Variants in ETV1 observed in about 807,000 individuals in gnomAD.
ETV1 encodes the protein ETS translocation variant 1.
In ETV1, 27 loss-of-function variants were observed where a neutral mutation model predicts 62.3. The ratio of observed to expected loss-of-function variants is 0.43; its 90% confidence interval spans 0.32 to 0.60. The LOEUF (loss-of-function observed/expected upper bound fraction) is 0.60, where lower values mean the gene tolerates loss of function less well. ETV1 is among the 20% of genes least tolerant of loss of function. The pLI is 0.06. For missense variants in ETV1, 605 were observed against 605.8 expected, an observed-to-expected ratio of 1.00 and a Z score of 0.01; for synonymous variants, 222 against 199.6, an observed-to-expected ratio of 1.11 and a Z score of -0.94.
At chr7:13,966,554 T>C (rs948236470) in intron 6 of ETV1, among the ~76,000 whole-genome samples, 4 of 151,886 alleles carry the variant, frequency 2.6e-5, no homozygotes, top group African/African-American at 7.3e-5. Context: ...GCCCAGGAGA[T>C]TGAGGTCACT....
chr7:13,938,905 G>C (rs138771179), intron 7 of ETV1, among the ~76,000 whole-genome samples: 2 of 152,292 alleles, frequency 1.3e-5, no homozygotes, highest in Admixed American at 1.3e-4. Context: ...AGCAACTAAT[G>C]ATCTGGATAA....
intron 13 of ETV1, chr7:13,900,421 T>C (rs1445130702): frequency 8.3e-6 from 2 of 241,934 alleles, no homozygotes; most frequent in African/African-American, 4.4e-5. Flanking sequence ...AATTATATAA[T>C]TGTAGACAAT....
chr7:13,914,481 A>T (rs879862651), intron 9 of ETV1, among the ~76,000 whole-genome samples: 6 of 152,110 alleles, frequency 3.9e-5, no homozygotes, highest in Non-Finnish European at 8.8e-5. Flanking sequence ...CCCTGTTGTC[A>T]TTTTAATGCA....
intron 6 of ETV1, among the ~76,000 whole-genome samples, chr7:13,971,802 T>A (rs1780929446): frequency 6.6e-6 from 1 of 152,048 alleles, no homozygotes; most frequent in African/African-American, 2.4e-5. Context: ...TGAAAGGTGG[T>A]AGATTTTCAA....
intron 9 of ETV1, among the ~76,000 whole-genome samples, chr7:13,925,014 A>G (rs1037372396): frequency 1.3e-5 from 2 of 152,216 alleles, no homozygotes; most frequent in Non-Finnish European, 2.9e-5. Context: ...TTAAAAATGC[A>G]AAAACCGTTT....
intron 9 of ETV1, among the ~76,000 whole-genome samples, chr7:13,917,918 C>G (rs1462217681): frequency 6.6e-6 from 1 of 151,860 alleles, no homozygotes. Flanking sequence ...GAGCCGAGAT[C>G]ATGCCACTGC....
intron 6 of ETV1, among the ~76,000 whole-genome samples, chr7:13,941,190 T>A (rs532803450): frequency 6.6e-6 from 1 of 152,340 alleles, no homozygotes; most frequent in East Asian, 1.9e-4. Flanking sequence ...GAATCAATTA[T>A]GAGGACTTGA....
chr7:13,964,457 A>T (rs1463157359), intron 6 of ETV1, among the ~76,000 whole-genome samples: 2 of 152,158 alleles, frequency 1.3e-5, no homozygotes, highest in Non-Finnish European at 2.9e-5. Context: ...GGGGGCACAT[A>T]TTTCTAATCA....
intron 6 of ETV1, among the ~76,000 whole-genome samples, chr7:13,956,514 A>T (rs775364869): frequency 3.7e-4 from 56 of 152,220 alleles, no homozygotes; most frequent in Non-Finnish European, 7.9e-4. Flanking sequence ...TCATGGCAAC[A>T]TTCCAATGTA....
At chr7:13,900,706 C>A (rs951165812) in intron 13 of ETV1, 32 bp downstream of exon 13, 3 of 1,408,284 alleles carry the variant, frequency 2.1e-6, no homozygotes, top group Non-Finnish European at 9.9e-7. Context: ...TGCAACATTT[C>A]AATGAATTTT....
At chr7:13,950,374 G>C (rs1424301246) in intron 6 of ETV1, among the ~76,000 whole-genome samples, 1 of 152,092 alleles carries the variant, frequency 6.6e-6, no homozygotes, top group Non-Finnish European at 1.5e-5. Context: ...GTGTATGAGA[G>C]AGAGAGAGAG....
chr7:13,913,166 A>G (rs1783725264), intron 9 of ETV1, among the ~76,000 whole-genome samples: 1 of 152,240 alleles, frequency 6.6e-6, no homozygotes, highest in Admixed American at 6.5e-5. Flanking sequence ...GAGGCATTGC[A>G]TATGCATTCA....
intron 6 of ETV1, among the ~76,000 whole-genome samples, chr7:13,971,877 A>G (rs1780940788): frequency 6.6e-6 from 1 of 152,148 alleles, no homozygotes; most frequent in African/African-American, 2.4e-5. Flanking sequence ...TTGGGAAGCT[A>G]AGGCGGGCGG....
chr7:13,933,345 A>T (rs1264784632), intron 8 of ETV1, among the ~76,000 whole-genome samples: 1 of 152,230 alleles, frequency 6.6e-6, no homozygotes, highest in South Asian at 2.1e-4. Context: ...GGAGCCACTG[A>T]CCAATGGTAA....
chr7:13,939,176 G>A lies in ETV1; in HGVS notation c.306C>T (p.Ala102=), dbSNP rs1179834255. Residue 102 remains alanine, a synonymous_variant, in exon 7 of 14, where the codon GCC becomes GCT. Transcript: ENST00000430479. ...ATTTAAAGGGCTGTTCTTGACTGCAGGCAGAGCTGATTTCTGAACATGGAC... is the reference window on the plus strand; with the variant it reads ...ATTTAAAGGGCTGTTCTTGACTGCAAGCAGAGCTGATTTCTGAACATGGAC... ...PHSPCSEISS[A]CSQEQPFKFS... 6.2e-7 allele frequency: 1 copy of A among 1,613,344 alleles called. No homozygotes were observed. The highest frequency in any genetic ancestry group is 8.5e-7 in the Non-Finnish European group (1 of 1,179,662).
chr7:13,960,322 A>G (rs1790016935), intron 6 of ETV1, among the ~76,000 whole-genome samples: 2 of 152,290 alleles, frequency 1.3e-5, no homozygotes, highest in African/African-American at 4.8e-5. Flanking sequence ...ACTATAGCTT[A>G]TAAAGTCCTC....
intron 9 of ETV1, among the ~76,000 whole-genome samples, chr7:13,930,482 C>G (rs761212560): frequency 6.6e-6 from 1 of 150,716 alleles, no homozygotes; most frequent in African/African-American, 2.4e-5. Flanking sequence ...CCAGCATGCC[C>G]GGTTAATTTT....
At chr7:13,988,564 C>CAA (rs11364123) in intron 3 of ETV1, 24 of 388,796 alleles carry the variant, frequency 6.2e-5, no homozygotes, top group Admixed American at 2.9e-4. Context: ...CCCACCCCCA[C>CAA]AAAAAAAAAA....
chr7:13,926,247 T>C (rs555197121), intron 9 of ETV1, among the ~76,000 whole-genome samples: 4 of 152,338 alleles, frequency 2.6e-5, no homozygotes, highest in African/African-American at 7.2e-5. Context: ...GAAATTACCA[T>C]GTGAACATTG....
Sources: allele counts gnomAD v4.1 joint callset (sites outside exome capture counted in the v4.1 genomes callset), GRCh38; gene constraint gnomAD v4.1.1; transcripts MANE v1.5; gene names NCBI Gene and HGNC (gene_info 2026-07-23, HGNC 2026-07-21).